The following RSRC1 variants were observed in gnomAD, a reference collection of about 807,000 sequenced individuals.
The protein encoded by RSRC1 is arginine and serine rich coiled-coil 1, also known as serine/Arginine-related protein 53.
In RSRC1, 39 loss-of-function variants were observed where a neutral mutation model predicts 49.1. The observed-to-expected ratio is 0.79, with a 90% CI of 0.61 to 1.04. The LOEUF (loss-of-function observed/expected upper bound fraction) is 1.04, where lower values mean the gene tolerates loss of function less well. Among genes scored for constraint, RSRC1 ranks in the 50% least tolerant of loss-of-function variants. The pLI, the probability that RSRC1 is intolerant of heterozygous loss-of-function variation, is 0.00. For missense variants in RSRC1, 388 were observed against 402.4 expected (o/e 0.96, Z 0.31); for synonymous variants, 143 against 130.8 (o/e 1.09, Z -0.63).
intron 6 of RSRC1, among the ~76,000 whole-genome samples, chr3:158,454,874 A>G (rs991638158): frequency 3.3e-5 from 5 of 152,242 alleles, no homozygotes; most frequent in African/African-American, 1.2e-4. Context: ...TGTTGTTGGT[A>G]CTGACATACT....
chr3:158,414,859 C>T (rs983536349), intron 6 of RSRC1, among the ~76,000 whole-genome samples: 1 of 152,014 alleles, frequency 6.6e-6, no homozygotes, highest in African/African-American at 2.4e-5. Flanking sequence ...TTTAGGCTTT[C>T]TCGAATTTGA....
intron 3 of RSRC1, among the ~76,000 whole-genome samples, chr3:158,189,351 T>A (rs1285029621): frequency 6.6e-6 from 1 of 151,988 alleles, no homozygotes; most frequent in African/African-American, 2.4e-5. Flanking sequence ...TCTGTGTCTT[T>A]ACTTTCTAAA....
chr3:158,457,721 GTGTTTTGTGT>G (rs1737405479), intron 6 of RSRC1, among the ~76,000 whole-genome samples: 2 of 124,746 alleles, frequency 1.6e-5, no homozygotes, highest in African/African-American at 6.6e-5. Context: ...TTCGTTTTTT[GTGTTTTGTGT>G]TTTTTTTTGT....
At chr3:158,441,867 A>G (rs1041809736) in intron 6 of RSRC1, among the ~76,000 whole-genome samples, 3 of 152,118 alleles carry the variant, frequency 2.0e-5, no homozygotes, top group Non-Finnish European at 4.4e-5. Flanking sequence ...CCCTGAACTC[A>G]AGATTTAGGG....
chr3:158,287,701 A>G (rs1726656126), intron 4 of RSRC1, among the ~76,000 whole-genome samples: 1 of 152,224 alleles, frequency 6.6e-6, no homozygotes, highest in Non-Finnish European at 1.5e-5. Context: ...TAAGCTATAT[A>G]ACAAGTCAAC....
chr3:158,130,478 T>C (rs1273102371), intron 3 of RSRC1, among the ~76,000 whole-genome samples: 1 of 152,192 alleles, frequency 6.6e-6, no homozygotes, highest in Non-Finnish European at 1.5e-5. Context: ...ACCTAAAGTG[T>C]TTTGGATTTT....
chr3:158,516,005 T>C, intron 7 of RSRC1, among the ~76,000 whole-genome samples: 1 of 151,980 alleles, frequency 6.6e-6, no homozygotes, highest in Non-Finnish European at 1.5e-5. Flanking sequence ...TTCTTCTAAA[T>C]TTTTTTCAAA....
At chr3:158,506,997 T>G (rs1047369200) in intron 7 of RSRC1, among the ~76,000 whole-genome samples, 3 of 152,016 alleles carry the variant, frequency 2.0e-5, no homozygotes, top group African/African-American at 7.2e-5. Context: ...AAAGTGCCAT[T>G]AATGGATGAA....
intron 4 of RSRC1, among the ~76,000 whole-genome samples, chr3:158,271,830 AG>A (rs1395345283): frequency 6.6e-6 from 1 of 152,140 alleles, no homozygotes; most frequent in Admixed American, 6.6e-5. Context: ...TGAAATTTTA[AG>A]CACCTGCATT....
At chr3:158,445,231 A>G (rs1006412542) in intron 6 of RSRC1, among the ~76,000 whole-genome samples, 3 of 152,174 alleles carry the variant, frequency 2.0e-5, no homozygotes, top group African/African-American at 7.2e-5. Flanking sequence ...ACTATTCACA[A>G]TAGCAAAGAC....
chr3:158,492,631 T>G (rs1739134431), intron 7 of RSRC1, among the ~76,000 whole-genome samples: 1 of 152,200 alleles, frequency 6.6e-6, no homozygotes, highest in Admixed American at 6.5e-5. Flanking sequence ...TCTGGTTAAT[T>G]GAGCTTTATC....
intron 7 of RSRC1, among the ~76,000 whole-genome samples, chr3:158,507,275 C>G (rs1281659473): frequency 1.3e-5 from 2 of 151,734 alleles, no homozygotes; most frequent in Admixed American, 1.3e-4. Flanking sequence ...TTAAAGAGTA[C>G]AAAAATAACA....
intron 3 of RSRC1, among the ~76,000 whole-genome samples, chr3:158,195,024 G>T (rs1447533029): frequency 1.3e-5 from 2 of 152,118 alleles, no homozygotes; most frequent in Non-Finnish European, 2.9e-5. Context: ...GTAATGGGAT[G>T]GCTGGGTCAT....
At position 158,505,802 on chromosome 3, in the gene RSRC1, G is replaced by T. The variant is rs565260356; in HGVS notation, c.653-31290G>T. 2.9e-5 allele frequency among the ~76,000 whole-genome samples: 4 copies of T among 140,030 alleles called. No individual in the cohort carries two copies. The South Asian group carries it at 9.4e-4, about 33-fold the overall frequency. The allele number at this position is 140,030 out of a possible 152,430, so 91.9% of individuals were successfully genotyped here. A position where few individuals can be genotyped will look rare whatever the true frequency, so the allele number is the denominator to read the frequency against. On this transcript the variant is annotated intron_variant, in intron 7 of 9. Transcript: ENST00000611884. ...GGGAGAAAGGATAGGAATGTTCCAA[G>T]TAAAGGGAACAGCATTTGTGAAACC...
intron 7 of RSRC1, among the ~76,000 whole-genome samples, chr3:158,480,335 A>T (rs1461755867): frequency 6.6e-6 from 1 of 151,992 alleles, no homozygotes; most frequent in Non-Finnish European, 1.5e-5. Context: ...AACTAAGTGT[A>T]TGTTTTTAAA....
chr3:158,469,291 T>A, intron 7 of RSRC1: 1 of 388,318 alleles, frequency 2.6e-6, no homozygotes. Flanking sequence ...TATAATTTTA[T>A]AATAGTTATT....
At position 158,110,133 on chromosome 3, in the gene RSRC1, A is replaced by T. The variant is rs1038312743; in HGVS notation, c.-93A>T. 1 of 151,872 alleles carries T rather than the reference A, an allele frequency of 6.6e-6. No individual in the cohort carries two copies. The highest frequency in any genetic ancestry group is 2.4e-5 in the African/African-American group (1 of 41,344). 9.4% of individuals were successfully genotyped at this position (151,872 alleles called of 1,614,324 possible). On this transcript the variant is annotated 5_prime_UTR_variant, in exon 1 of 10. Transcript: ENST00000611884. ...GCTTAAACTGAAGCAAGTTCGGTGG[A>T]CGCCGGCGGCGCCCTGATCTAAAGA...
At chr3:158,504,367 C>T (rs1447037104) in intron 7 of RSRC1, among the ~76,000 whole-genome samples, 4 of 152,182 alleles carry the variant, frequency 2.6e-5, no homozygotes, top group Admixed American at 6.5e-5. Flanking sequence ...CCATCCAGGT[C>T]GGAGCTGCAG....
chr3:158,522,968 A>G (rs76023898), intron 7 of RSRC1, among the ~76,000 whole-genome samples: 1 of 152,126 alleles, frequency 6.6e-6, no homozygotes, highest in South Asian at 2.1e-4. Context: ...TTAGACCATT[A>G]TGTCCTTATG....
Sources: gnomAD v4.1 joint callset for allele counts (sites outside exome capture counted in the v4.1 genomes callset) on GRCh38, gnomAD v4.1.1 for gene constraint, MANE v1.5 for transcripts, NCBI Gene and HGNC (gene_info 2026-07-23, HGNC 2026-07-21) for gene names.